Variants in PABIR2 observed in about 807,000 individuals in gnomAD.
PABIR2 encodes the protein PABIR family member 2.
In PABIR2, 7 loss-of-function variants were observed where a neutral mutation model predicts 22.8. The ratio of observed to expected loss-of-function variants is 0.31; its 90% CI spans 0.17 to 0.58. PABIR2 has a LOEUF of 0.58. Ranked by LOEUF, PABIR2 falls within the 20% of genes least tolerant of loss-of-function variation. PABIR2 has a pLI of 0.89. For synonymous variants in PABIR2, 67 were observed against 73.8 expected (o/e 0.91, Z 0.47); for missense variants, 155 against 205.1 (o/e 0.76, Z 1.49).
At chrX:134,787,883 T>C (rs1324458738) in intron 6 of PABIR2, among the ~76,000 whole-genome samples, 4 of 107,181 alleles carry the variant, frequency 3.7e-5, no homozygotes, top group African/African-American at 1.4e-4. Flanking sequence ...CCTCCCACCT[T>C]GGCCTCCCAA....
At chrX:134,787,388 C>T (rs1029443273) in intron 7 of PABIR2, 84 bp downstream of exon 7, 3 of 991,105 alleles carry the variant, frequency 3.0e-6, no homozygotes, top group African/African-American at 3.8e-5. Context: ...GTGTGAGCCA[C>T]TGCGCCCAGC....
In PABIR2 at chrX:134,796,277, C is replaced by T. The variant is rs1250428242; in HGVS notation, c.-72G>A. The T allele has an allele frequency of 2.4e-6, 2 of 841,710 alleles. No individual in the cohort carries two copies. The highest frequency in any genetic ancestry group is 5.0e-5 in the Admixed American group (2 of 39,734). The allele number at this position is 841,710 out of a possible 1,213,427, so 69.4% of individuals were successfully genotyped here. A position where few individuals can be genotyped will look rare whatever the true frequency, so the allele number is the denominator to read the frequency against. ...CTTAGCTATGGACTCCCAAGACTCT[C>T]ACTGCAGGACTGAGCTGCTGGGGAC... On this transcript the variant is annotated 5_prime_UTR_variant, in exon 1 of 10. Transcript: ENST00000343004.
rs1032341654 is a variant in PABIR2 at position 134,796,878 on chromosome X, G to T, written c.-673C>A. On this transcript the variant is annotated 5_prime_UTR_variant, in exon 1 of 10. Transcript: ENST00000343004. The stretch of plus-strand genomic sequence containing the variant: ...CCTGACAGTCGGGTAGGACCCGGCC[G>T]GGCGGCCTTGGCGGCTCCAGCTCCC... The T allele has an allele frequency of 8.9e-6, 1 of 111,885 alleles. No individual in the cohort carries two copies. Among genetic ancestry groups the T allele is most frequent in the Non-Finnish European group, 1.9e-5 (1 of 53,041 alleles). The allele number at this position is 111,885 out of a possible 1,213,427, so 9.2% of individuals were successfully genotyped here.
intron 9 of PABIR2, among the ~76,000 whole-genome samples, chrX:134,781,278 G>C (rs2079149650): frequency 8.9e-6 from 1 of 112,762 alleles, no homozygotes; most frequent in African/African-American, 3.2e-5. Context: ...TCCCCTTCAT[G>C]GGGGCATGGA....
chrX:134,775,015 T>A (rs2078930575), intron 9 of PABIR2, among the ~76,000 whole-genome samples: 1 of 112,311 alleles, frequency 8.9e-6, no homozygotes, highest in Non-Finnish European at 1.9e-5. Context: ...AGCAACAAGT[T>A]CTGGTCTAAT....
Position 134,788,811 on chromosome X carries a change from C to A in PABIR2, c.354G>T (p.Lys118Asn). Residue 118 changes from lysine to asparagine, a missense_variant, in exon 6 of 10, where the codon AAG (lysine) becomes AAT (asparagine). By Grantham distance (94) the Lys-to-Asn change is moderately conservative. Coordinates refer to ENST00000343004, the MANE Select transcript of PABIR2 (RefSeq NM_001387468.1). ...SLSLSDSDFD[K>N]PEKLYSPKRI... is the part of the protein sequence containing the mutation. ...TCTTAGGAGAATATAATTTCTCCGG[C>A]TTGTCAAAATCACTGTCACTCTGTA... The A allele has an allele frequency of 8.3e-7, 1 of 1,207,797 alleles. No homozygotes were observed. The highest frequency in any genetic ancestry group is 1.8e-5 in the South Asian group (1 of 56,486).
chrX:134,794,828 C>T (rs1392946803), intron 1 of PABIR2, among the ~76,000 whole-genome samples: 2 of 111,710 alleles, frequency 1.8e-5, no homozygotes, highest in Non-Finnish European at 3.8e-5. Flanking sequence ...AGAGAACAGC[C>T]TCAGAAAGGT....
chrX:134,785,064 T>C (rs1165121078), intron 8 of PABIR2, among the ~76,000 whole-genome samples: 1 of 112,168 alleles, frequency 8.9e-6, no homozygotes, highest in Non-Finnish European at 1.9e-5. Context: ...ATCTCTTTCA[T>C]ATTTAGATAA....
chrX:134,777,294 A>G (rs2079003709), intron 9 of PABIR2, among the ~76,000 whole-genome samples: 1 of 111,905 alleles, frequency 8.9e-6, no homozygotes, highest in South Asian at 3.7e-4. Context: ...TGGGAGGCCA[A>G]GGCACGCAGA....
chrX:134,787,462 G>A lies in PABIR2; in HGVS notation c.497+10C>T. On this transcript the variant is annotated intron_variant, in intron 7 of 9. Transcript: ENST00000343004. Reference sequence around the variant, plus strand: ...TACTTCAACCACATTTAAAATTCAAGTTTGCTTACCTTGAAAATCGTCTTG... The same window carrying A: ...TACTTCAACCACATTTAAAATTCAAATTTGCTTACCTTGAAAATCGTCTTG... 1.7e-6 allele frequency: 2 copies of A among 1,207,420 alleles called. No individual in the cohort carries two copies. Among genetic ancestry groups the A allele is most frequent in the Non-Finnish European group, 2.2e-6 (2 of 892,440 alleles).
rs961109851 is a variant in PABIR2 at position 134,788,958 on chromosome X, A to G, written c.333+127T>C. On this transcript the variant is annotated intron_variant, in intron 5 of 9. Coordinates refer to ENST00000343004, the MANE Select transcript of PABIR2 (RefSeq NM_001387468.1). The stretch of plus-strand genomic sequence containing the variant: ...CTCTAATATTCTGCTGGAAAAGCAG[A>G]GATCAAAAAACAAGTATCAATTTGG... The G allele has an allele frequency of 1.6e-5, 17 of 1,033,115 alleles. No homozygotes were observed. The African/African-American group carries it at 2.8e-4, about 17-fold the overall frequency. 85.1% of individuals were successfully genotyped at this position (1,033,115 alleles called of 1,213,427 possible). A position where few individuals can be genotyped will look rare whatever the true frequency, so the allele number is the denominator to read the frequency against.
intron 6 of PABIR2, among the ~76,000 whole-genome samples, chrX:134,788,402 A>G (rs975062056): frequency 5.3e-5 from 5 of 94,088 alleles, no homozygotes; most frequent in African/African-American, 2.0e-4. Context: ...ATATATGTGT[A>G]ATATATACAC....
At chrX:134,790,223 A>AT (rs1395090837) in intron 2 of PABIR2, among the ~76,000 whole-genome samples, 2 of 112,404 alleles carry the variant, frequency 1.8e-5, no homozygotes, top group Non-Finnish European at 3.8e-5. Flanking sequence ...TATCTTTAAA[A>AT]TAACTGATGC....
chrX:134,796,496 G>C lies in PABIR2; in HGVS notation c.-291C>G. On this transcript the variant is annotated 5_prime_UTR_variant, in exon 1 of 10. It adds an upstream start codon to the 5' untranslated region. Transcript: ENST00000343004. The stretch of plus-strand genomic sequence containing the variant: ...GAAGGAAAAGGATGAAGGAAAGAAG[G>C]ATGGAGGGAAAACAAGGATGGAGGG... The C allele has an allele frequency of 7.5e-6, 2 of 266,849 alleles. No homozygotes were observed. The highest frequency in any genetic ancestry group is 1.3e-5 in the Non-Finnish European group (2 of 148,414). The allele number at this position is 266,849 out of a possible 1,213,427, so 22.0% of individuals were successfully genotyped here.
chrX:134,787,099 C>CA (rs2079346415), intron 7 of PABIR2, among the ~76,000 whole-genome samples: 1 of 94,453 alleles, frequency 1.1e-5, no homozygotes. Flanking sequence ...AGTTAATCTT[C>CA]TTTTTTTTTT....
intron 2 of PABIR2, chrX:134,791,579 T>C (rs2079549799): frequency 3.1e-6 from 1 of 323,721 alleles, no homozygotes; most frequent in Non-Finnish European, 6.0e-6. Flanking sequence ...AGATACAAGA[T>C]AGAGAGGAGA....
chrX:134,782,733 G>A (rs1163045543), intron 8 of PABIR2, among the ~76,000 whole-genome samples: 2 of 112,067 alleles, frequency 1.8e-5, no homozygotes, highest in Non-Finnish European at 3.8e-5. Flanking sequence ...CTATACTCCA[G>A]TAGAAAATTA....
chrX:134,780,492 T>G (rs1232985481), intron 9 of PABIR2, among the ~76,000 whole-genome samples: 1 of 111,046 alleles, frequency 9.0e-6, no homozygotes, highest in Non-Finnish European at 1.9e-5. Context: ...GGCAGGAGAA[T>G]CTCTTGAACC....
chrX:134,775,024 A>T (rs1026041625), intron 9 of PABIR2, among the ~76,000 whole-genome samples: 1 of 112,285 alleles, frequency 8.9e-6, no homozygotes, highest in Non-Finnish European at 1.9e-5. Context: ...TTCTGGTCTA[A>T]TTTGAGTTTA....
Sources: allele counts gnomAD v4.1 joint callset (sites outside exome capture counted in the v4.1 genomes callset), GRCh38; gene constraint gnomAD v4.1.1; transcripts MANE v1.5; gene names NCBI Gene and HGNC (gene_info 2026-07-23, HGNC 2026-07-21).